The following CFAP299 variants were observed in gnomAD, a reference collection of about 807,000 sequenced individuals.
CFAP299 encodes the protein cilia- and flagella-associated protein 299.
A neutral mutation model predicts 27.0 loss-of-function variants in CFAP299; 21 were observed. The observed-to-expected ratio is 0.78, with a 90% CI of 0.55 to 1.12. The LOEUF (loss-of-function observed/expected upper bound fraction) is 1.12. CFAP299 is among the 50% of genes most tolerant of loss of function. The probability of loss-of-function intolerance (pLI) is 0.00; values close to 1 mark genes in which losing one functional copy is unlikely to be tolerated. For synonymous variants in CFAP299, 104 were observed against 98.1 expected (o/e 1.06, Z -0.36); for missense variants, 310 against 276.6 (o/e 1.12, Z -0.86).
intron 2 of CFAP299, among the ~76,000 whole-genome samples, chr4:80,515,741 G>A (rs1732552218): frequency 6.6e-6 from 1 of 152,100 alleles, no homozygotes; most frequent in African/African-American, 2.4e-5. Context: ...GGTAGCCATA[G>A]ACTTAATGTA....
In CFAP299 at chr4:80,583,088, T is replaced by G; in HGVS notation, c.243-5T>G. Reference sequence around the variant, plus strand: ...ATATTATAACTGAAGATCTGCCTTTTACAGGACGCTAACAAGTGCTGGTAA... The same window carrying G: ...ATATTATAACTGAAGATCTGCCTTTGACAGGACGCTAACAAGTGCTGGTAA... On this transcript the variant is annotated splice_region_variant and splice_polypyrimidine_tract_variant and intron_variant, in intron 2 of 5. Transcript: ENST00000358105. 1 of 1,591,160 alleles carries G rather than the reference T, an allele frequency of 6.3e-7. No homozygotes were observed. The highest frequency in any genetic ancestry group is 8.6e-7 in the Non-Finnish European group (1 of 1,165,252).
intron 2 of CFAP299, among the ~76,000 whole-genome samples, chr4:80,551,933 G>A (rs1325957486): frequency 6.6e-6 from 1 of 151,948 alleles, no homozygotes; most frequent in Non-Finnish European, 1.5e-5. Flanking sequence ...ATTTTCAGTA[G>A]AGACAGGGTT....
upstream of CFAP299, among the ~76,000 whole-genome samples, chr4:80,333,983 G>C: frequency 6.6e-6 from 1 of 152,248 alleles, no homozygotes; most frequent in South Asian, 2.1e-4. Context: ...TGAGTTATAC[G>C]CACTATTAAT....
chr4:80,696,375 G>A (rs1721095070), intron 3 of CFAP299, among the ~76,000 whole-genome samples: 1 of 151,846 alleles, frequency 6.6e-6, no homozygotes, highest in Admixed American at 6.6e-5. Flanking sequence ...TTTGTTCAGA[G>A]AATAGACAGG....
intron 3 of CFAP299, among the ~76,000 whole-genome samples, chr4:80,821,891 A>AACAC (rs3038531): frequency 0.015 from 2,299 of 149,186 alleles, 55 homozygotes; most frequent in African/African-American, 0.053. Flanking sequence ...CTCAGTACAC[A>AACAC]ACACACACAC....
intron 2 of CFAP299, among the ~76,000 whole-genome samples, chr4:80,503,265 G>GCACCTATTTTGGTACATATATTATA (rs1731828210): frequency 1.3e-5 from 2 of 151,874 alleles, no homozygotes; most frequent in Non-Finnish European, 2.9e-5. Flanking sequence ...CTGGTGTTTG[G>GCACCTATTTTGGTACATATATTATA]CACCTATTTT....
At chr4:80,591,633 GA>G (rs1301010241) in intron 3 of CFAP299, among the ~76,000 whole-genome samples, 1 of 152,098 alleles carries the variant, frequency 6.6e-6, no homozygotes, top group Non-Finnish European at 1.5e-5. Flanking sequence ...CACTCTGTTG[GA>G]AAGGGACTTT....
At chr4:80,376,949 GC>G (rs1724445350) in intron 2 of CFAP299, among the ~76,000 whole-genome samples, 3 of 152,012 alleles carry the variant, frequency 2.0e-5, no homozygotes, top group Admixed American at 6.6e-5. Context: ...TATTTTCCAT[GC>G]ATATCTCTTC....
At chr4:80,652,781 T>C (rs1197621546) in intron 3 of CFAP299, among the ~76,000 whole-genome samples, 1 of 152,076 alleles carries the variant, frequency 6.6e-6, no homozygotes, top group Non-Finnish European at 1.5e-5. Context: ...CTCCTTGTTT[T>C]GGTGTCCAGA....
intron 1 of CFAP299, among the ~76,000 whole-genome samples, chr4:80,347,248 A>G (rs1362843974): frequency 6.6e-6 from 1 of 152,032 alleles, no homozygotes; most frequent in African/African-American, 2.4e-5. Context: ...TTCTTTTCCT[A>G]TTTGAATACC....
intron 1 of CFAP299, among the ~76,000 whole-genome samples, chr4:80,355,812 C>A (rs967233637): frequency 6.6e-6 from 1 of 152,094 alleles, no homozygotes; most frequent in Non-Finnish European, 1.5e-5. Flanking sequence ...ATGATAGTTT[C>A]TTTTGCTATG....
intron 3 of CFAP299, among the ~76,000 whole-genome samples, chr4:80,651,295 CTCTCTCTT>C (rs1009951307): frequency 9.5e-5 from 3 of 31,542 alleles, no homozygotes; most frequent in Non-Finnish European, 7.2e-4. Flanking sequence ...CTCTTACTCT[CTCTCTCTT>C]TCTTTCTTTC....
chr4:80,458,448 A>T (rs1321465736), intron 2 of CFAP299, among the ~76,000 whole-genome samples: 1 of 152,178 alleles, frequency 6.6e-6, no homozygotes, highest in African/African-American at 2.4e-5. Context: ...TTTTAAAAAA[A>T]TCTTATTTCT....
At chr4:80,533,785 T>C (rs972626208) in intron 2 of CFAP299, among the ~76,000 whole-genome samples, 2 of 152,138 alleles carry the variant, frequency 1.3e-5, no homozygotes, top group Admixed American at 6.5e-5. Context: ...AAAAAATACC[T>C]GGGAAACCTT....
chr4:80,505,037 AT>A (rs1366648255), intron 2 of CFAP299, among the ~76,000 whole-genome samples: 1 of 149,316 alleles, frequency 6.7e-6, no homozygotes, highest in Non-Finnish European at 1.5e-5. Context: ...TCAATAAATC[AT>A]TTATATATCA....
upstream of CFAP299, among the ~76,000 whole-genome samples, chr4:80,334,187 T>C (rs1403088084): frequency 6.6e-6 from 1 of 152,210 alleles, no homozygotes; most frequent in Non-Finnish European, 1.5e-5. Context: ...GTTGACCAAA[T>C]GGCAAATTTA....
At chr4:80,963,485 A>T (rs1000478836) in intron 5 of CFAP299, 32 bp from the exon 6 acceptor site, 19 of 1,441,880 alleles carry the variant, frequency 1.3e-5, no homozygotes, top group Non-Finnish European at 1.8e-5. Context: ...ATTTTTATAG[A>T]CTTGACTAAC....
chr4:80,353,131 A>T (rs1723092936), intron 1 of CFAP299, among the ~76,000 whole-genome samples: 1 of 152,232 alleles, frequency 6.6e-6, no homozygotes, highest in African/African-American at 2.4e-5. Context: ...CTTTTATAAA[A>T]TATCAATAAA....
intron 3 of CFAP299, among the ~76,000 whole-genome samples, chr4:80,806,774 G>C (rs1488127203): frequency 6.6e-6 from 1 of 152,194 alleles, no homozygotes; most frequent in African/African-American, 2.4e-5. Flanking sequence ...CGTTGAAGTA[G>C]ATGGAGGTGC....
Sources: allele counts gnomAD v4.1 joint callset (sites outside exome capture counted in the v4.1 genomes callset), GRCh38; gene constraint gnomAD v4.1.1; transcripts MANE v1.5; gene names NCBI Gene and HGNC (gene_info 2026-07-23, HGNC 2026-07-21).